Variants in RPA3 observed in about 807,000 individuals in gnomAD.
RPA3 encodes replication protein A3, also known as replication protein A 14 kDa subunit.
A neutral mutation model predicts 13.7 loss-of-function variants in RPA3; 24 were observed. The observed-to-expected ratio is 1.75, with a 90% CI of 1.27 to 2.46. The LOEUF is 2.46. Ranked by LOEUF, RPA3 falls within the 30% of genes most tolerant of loss-of-function variation. RPA3 has a pLI of 0.00. For missense variants in RPA3, 183 were observed against 151.0 expected (o/e 1.21, Z -1.11); for synonymous variants, 59 against 51.2 (o/e 1.15, Z -0.65).
intron 2 of RPA3, among the ~76,000 whole-genome samples, chr7:7,701,013 A>G (rs1362552611): frequency 6.6e-6 from 1 of 152,206 alleles, no homozygotes; most frequent in African/African-American, 2.4e-5. Flanking sequence ...TCACGGTACT[A>G]CACTCCAGCA....
chr7:7,688,597 A>G (rs573243736), intron 2 of RPA3, among the ~76,000 whole-genome samples: 1 of 152,268 alleles, frequency 6.6e-6, no homozygotes, highest in South Asian at 2.1e-4. Context: ...GTTTCTAGAT[A>G]GCTCTCTTTT....
Position 7,640,741 on chromosome 7 carries a change from T to G in RPA3, c.-323A>C. 7.5e-6 allele frequency: 2 copies of G among 267,162 alleles called. No homozygotes were observed. The highest frequency in any genetic ancestry group is 9.7e-5 in the East Asian group (1 of 10,330). The allele number at this position is 267,162 out of a possible 1,614,324, so 16.5% of individuals were successfully genotyped here. A position where few individuals can be genotyped will look rare whatever the true frequency, so the allele number is the denominator to read the frequency against. ...AGACTACCTTTCTGCGATCACAGGA[T>G]TCCCGGCGGTGACTTGACCCCGGAA... is the stretch of plus-strand genomic sequence containing the variant. On this transcript the variant is annotated 5_prime_UTR_variant, in exon 5 of 8. Coordinates refer to ENST00000223129, the MANE Select transcript of RPA3 (RefSeq NM_002947.5).
chr7:7,671,199 T>G (rs1412200599), intron 4 of RPA3, among the ~76,000 whole-genome samples: 1 of 152,256 alleles, frequency 6.6e-6, no homozygotes, highest in Non-Finnish European at 1.5e-5. Flanking sequence ...TTAACTTTAG[T>G]CAGCTTCGTG....
Position 7,661,741 on chromosome 7 carries a change from C to T in RPA3, c.-757-20566G>A, listed in dbSNP as rs180695506. ...GAGCTCTCCTCTATGAGGTGTCTGT[C>T]GGCCCCTGCTGGGAGGTGTCTCCCA... On this transcript the variant is annotated intron_variant, in intron 4 of 7. Coordinates refer to ENST00000223129, the MANE Select transcript of RPA3 (RefSeq NM_002947.5). Among the ~76,000 whole-genome samples, 149 of 152,288 alleles carry T rather than the reference C, an allele frequency of 9.8e-4. 1 individual carries two copies. The highest frequency in any genetic ancestry group is 2.9e-3 in the East Asian group (15 of 5,180).
At chr7:7,662,771 A>G (rs912842229) in intron 4 of RPA3, among the ~76,000 whole-genome samples, 1 of 152,192 alleles carries the variant, frequency 6.6e-6, no homozygotes, top group African/African-American at 2.4e-5. Flanking sequence ...CCATCTTGCC[A>G]GCAACCCCTC....
chr7:7,682,715 C>T (rs879925052), intron 4 of RPA3, among the ~76,000 whole-genome samples: 39 of 152,122 alleles, frequency 2.6e-4, no homozygotes, highest in Non-Finnish European at 8.8e-5. Flanking sequence ...AGTAACTTAC[C>T]CTATCGCTGT....
At chr7:7,680,828 T>G (rs1404008827) in intron 4 of RPA3, among the ~76,000 whole-genome samples, 1 of 152,162 alleles carries the variant, frequency 6.6e-6, no homozygotes, top group East Asian at 1.9e-4. Context: ...ACTTTCTTGG[T>G]TTCTTTTTCA....
intron 1 of RPA3, among the ~76,000 whole-genome samples, chr7:7,715,628 A>T (rs1413119352): frequency 6.6e-6 from 1 of 152,226 alleles, no homozygotes; most frequent in East Asian, 1.9e-4. Flanking sequence ...TTCAATAGCA[A>T]TTATTTTTAA....
intron 4 of RPA3, among the ~76,000 whole-genome samples, chr7:7,664,283 C>T (rs1779378493): frequency 6.6e-6 from 1 of 152,092 alleles, no homozygotes; most frequent in South Asian, 2.1e-4. Flanking sequence ...CAAACTTCAC[C>T]CATCTTAATC....
At chr7:7,661,853 C>T (rs1785482723) in intron 4 of RPA3, among the ~76,000 whole-genome samples, 1 of 152,182 alleles carries the variant, frequency 6.6e-6, no homozygotes, top group Non-Finnish European at 1.5e-5. Flanking sequence ...AGATGTACTG[C>T]TTTCTTCAGA....
intron 2 of RPA3, among the ~76,000 whole-genome samples, chr7:7,691,586 G>A (rs1046459730): frequency 2.0e-5 from 3 of 152,130 alleles, no homozygotes; most frequent in African/African-American, 4.8e-5. Flanking sequence ...CTCATCTTAC[G>A]CATTTCAGAT....
chr7:7,651,339 G>T (rs1785219489), intron 4 of RPA3, among the ~76,000 whole-genome samples: 1 of 152,142 alleles, frequency 6.6e-6, no homozygotes, highest in Non-Finnish European at 1.5e-5. Flanking sequence ...TTTGGCTGGG[G>T]TTTGGGGTTT....
At chr7:7,646,723 G>A (rs1583689210) in intron 4 of RPA3, among the ~76,000 whole-genome samples, 1 of 151,974 alleles carries the variant, frequency 6.6e-6, no homozygotes, top group South Asian at 2.1e-4. Context: ...CTTGGAGTTC[G>A]GCTGTCCCAT....
In RPA3 at chr7:7,639,109, A is replaced by G. The variant is rs1475077704; in HGVS notation, c.135T>C (p.Asp45=). ...HPTGKMFILS[D]GEGKNGTIEL... ...CGATGGTTCCATTTTTTCCTTCTCC[A>G]TCTGAAAGAATAAACATTTTTCCGG... is the stretch of plus-strand genomic sequence containing the variant. Residue 45 remains aspartate (D), a synonymous_variant, in exon 6 of 8, where the codon GAT becomes GAC. Transcript: ENST00000223129. 2 of 1,612,516 alleles carry G rather than the reference A, an allele frequency of 1.2e-6. No homozygotes were observed. The highest frequency in any genetic ancestry group is 1.1e-5 in the South Asian group (1 of 90,604).
chr7:7,694,201 A>T (rs1780249236), intron 2 of RPA3, among the ~76,000 whole-genome samples: 1 of 152,064 alleles, frequency 6.6e-6, no homozygotes, highest in Admixed American at 6.6e-5. Context: ...GTGATAATTG[A>T]GTATCTTTTC....
At chr7:7,654,772 C>T (rs977885111) in intron 4 of RPA3, among the ~76,000 whole-genome samples, 9 of 151,784 alleles carry the variant, frequency 5.9e-5, no homozygotes, top group South Asian at 2.1e-4. Context: ...GGTGTGGTGG[C>T]GGGTGCCTGT....
intron 2 of RPA3, among the ~76,000 whole-genome samples, chr7:7,698,185 T>G (rs1302931099): frequency 6.6e-6 from 1 of 152,244 alleles, no homozygotes; most frequent in East Asian, 1.9e-4. Flanking sequence ...TTATTTATTT[T>G]GAATTGCTAT....
chr7:7,673,332 AGC>A (rs1335430434), intron 4 of RPA3: 1 of 1,196,330 alleles, frequency 8.4e-7, no homozygotes, highest in East Asian at 2.6e-5. Flanking sequence ...CAGCAGCAGC[AGC>A]AGCAGCAGCA....
intron 4 of RPA3, among the ~76,000 whole-genome samples, chr7:7,677,976 C>T (rs1352052876): frequency 6.6e-6 from 1 of 152,132 alleles, no homozygotes; most frequent in Non-Finnish European, 1.5e-5. Context: ...CCCGGCCTAT[C>T]TATTCATCTG....
Sources: allele counts gnomAD v4.1 joint callset (sites outside exome capture counted in the v4.1 genomes callset), GRCh38; gene constraint gnomAD v4.1.1; transcripts MANE v1.5; gene names NCBI Gene and HGNC (gene_info 2026-07-23, HGNC 2026-07-21).